Variants in ROBO2 observed in about 807,000 individuals in gnomAD.
ROBO2 encodes the protein roundabout homolog 2.
In ROBO2, 53 loss-of-function variants were observed where a neutral mutation model predicts 160.8. That is an observed-to-expected ratio of 0.33 (90% confidence interval 0.26 to 0.41). ROBO2 has a LOEUF of 0.41. ROBO2 is among the 10% of genes least tolerant of loss of function. The pLI, the probability that ROBO2 is intolerant of heterozygous loss-of-function variation, is 1.00. For synonymous variants in ROBO2, 664 were observed against 611.7 expected (o/e 1.09, Z -1.26); for missense variants, 1,577 against 1,722.4 (o/e 0.92, Z 1.49).
At position 76,227,990 on chromosome 3, in the gene ROBO2, G is replaced by A. The variant is rs561750172; in HGVS notation, c.109+290388G>A. ...ATATACTCTATACAAAAAAAGTAAG[G>A]GTTATATTTGCTATTTTCCTTTAAA... On this transcript the variant is annotated intron_variant, in intron 2 of 26. Transcript: ENST00000487694. Among the ~76,000 whole-genome samples, 49 of 151,984 alleles carry A rather than the reference G, an allele frequency of 3.2e-4. 1 individual carries two copies. Among genetic ancestry groups the A allele is most frequent in the African/African-American group, 1.2e-3 (48 of 41,456 alleles).
intron 2 of ROBO2, among the ~76,000 whole-genome samples, chr3:77,389,553 T>G (rs936872673): frequency 6.6e-6 from 1 of 152,290 alleles, no homozygotes; most frequent in Non-Finnish European, 1.5e-5. Context: ...TTCAAGCCAA[T>G]GTTGTTTAAG....
intron 2 of ROBO2, among the ~76,000 whole-genome samples, chr3:76,555,388 A>AAGAAGAAGG (rs2083677586): frequency 1.4e-5 from 1 of 69,006 alleles, no homozygotes; most frequent in Admixed American, 2.0e-4. Context: ...GAAGAAGAAG[A>AAGAAGAAGG]AGAAGAAGAA....
chr3:77,245,697 A>G (rs1358631489), intron 2 of ROBO2, among the ~76,000 whole-genome samples: 1 of 151,928 alleles, frequency 6.6e-6, no homozygotes, highest in Non-Finnish European at 1.5e-5. Flanking sequence ...TGAGGGAAAA[A>G]CTCTGCCATT....
At chr3:76,303,107 T>C (rs1290800618) in intron 2 of ROBO2, among the ~76,000 whole-genome samples, 3 of 152,026 alleles carry the variant, frequency 2.0e-5, no homozygotes, top group African/African-American at 7.2e-5. Flanking sequence ...CCCAAGAAAA[T>C]ATCTCAGATG....
At chr3:76,951,005 G>A (rs1181154357) in intron 2 of ROBO2, among the ~76,000 whole-genome samples, 1 of 152,206 alleles carries the variant, frequency 6.6e-6, no homozygotes, top group East Asian at 1.9e-4. Context: ...TGGAATTACA[G>A]GCGTGAGCCC....
chr3:77,640,023 A>G (rs1339440710), intron 24 of ROBO2, among the ~76,000 whole-genome samples: 2 of 151,392 alleles, frequency 1.3e-5, no homozygotes, highest in African/African-American at 4.9e-5. Flanking sequence ...AGCAAACCAC[A>G]TTACTCTGAA....
intron 2 of ROBO2, among the ~76,000 whole-genome samples, chr3:76,352,853 AAAATAAC>A (rs1327064014): frequency 6.6e-6 from 1 of 152,070 alleles, no homozygotes; most frequent in African/African-American, 2.4e-5. Flanking sequence ...TGGCTATAAC[AAAATAAC>A]TAACAATTAG....
chr3:76,048,686 A>G (rs897573340), intron 2 of ROBO2, among the ~76,000 whole-genome samples: 3 of 152,184 alleles, frequency 2.0e-5, no homozygotes, highest in African/African-American at 2.4e-5. Context: ...TGATCCATCC[A>G]TTTGACCCCT....
At chr3:77,165,445 G>T (rs978661937) in intron 2 of ROBO2, among the ~76,000 whole-genome samples, 2 of 148,024 alleles carry the variant, frequency 1.4e-5, no homozygotes, top group East Asian at 2.0e-4. Flanking sequence ...AGGGTCCTCT[G>T]CCTAGGAAAA....
chr3:77,011,082 T>TTTCTTTCTTTC (rs2061883307), intron 2 of ROBO2, among the ~76,000 whole-genome samples: 2 of 144,644 alleles, frequency 1.4e-5, no homozygotes, highest in Admixed American at 1.4e-4. Context: ...TCTTTCTTTC[T>TTTCTTTCTTTC]TTCTTTTTCT....
intron 2 of ROBO2, among the ~76,000 whole-genome samples, chr3:76,847,993 GA>G (rs1559596782): frequency 1.3e-5 from 2 of 151,774 alleles, no homozygotes; most frequent in African/African-American, 4.8e-5. Context: ...TGGAATTAAA[GA>G]AAAAAATGTT....
In ROBO2 at chr3:77,412,531, G is replaced by A. The variant is rs4411865; in HGVS notation, c.389-64883G>A. 8.8e-3 allele frequency among the ~76,000 whole-genome samples: 1,333 copies of A among 152,260 alleles called. 15 individuals are homozygous for A. Among genetic ancestry groups the A allele is most frequent in the African/African-American group, 0.03 (1,257 of 41,572 alleles). On this transcript the variant is annotated intron_variant, in intron 2 of 25. Coordinates refer to ENST00000461745, the Ensembl canonical transcript of ROBO2. ...GAGCACTGCTGTCTGTCATGAATTC[G>A]CTTCATCTGCTACTTTTCTGATTTC...
intron 2 of ROBO2, among the ~76,000 whole-genome samples, chr3:76,234,266 A>G (rs1164122746): frequency 1.3e-5 from 2 of 152,204 alleles, no homozygotes; most frequent in South Asian, 2.1e-4. Context: ...TAGTGCAGCA[A>G]TGAACATATG....
chr3:76,155,031 C>T (rs1003273429), intron 2 of ROBO2, among the ~76,000 whole-genome samples: 1 of 152,000 alleles, frequency 6.6e-6, no homozygotes, highest in Non-Finnish European at 1.5e-5. Flanking sequence ...GAAAAACTGG[C>T]AGATAAAGGG....
intron 2 of ROBO2, among the ~76,000 whole-genome samples, chr3:77,158,246 G>C (rs2078184308): frequency 6.6e-6 from 1 of 152,106 alleles, no homozygotes; most frequent in Non-Finnish European, 1.5e-5. Context: ...ATAACCAAAA[G>C]CAGTTAGTAG....
chr3:77,101,055 A>G (rs765928351), intron 2 of ROBO2, among the ~76,000 whole-genome samples: 6 of 152,178 alleles, frequency 3.9e-5, no homozygotes, highest in Admixed American at 6.5e-5. Flanking sequence ...TAAAAATCTA[A>G]GCTATTTTGT....
chr3:76,456,738 G>A (rs564178229), intron 2 of ROBO2, among the ~76,000 whole-genome samples: 5 of 152,264 alleles, frequency 3.3e-5, no homozygotes, highest in South Asian at 4.1e-4. Context: ...TGGTAAAGAC[G>A]TACCCAAGAC....
In ROBO2 at chr3:77,513,180, T is replaced by C. The variant is rs932972527; in HGVS notation, c.807-9595T>C. Among the ~76,000 whole-genome samples, 3 of 151,800 alleles carry C rather than the reference T, an allele frequency of 2.0e-5. No individual in the cohort carries two copies. The East Asian group carries it at 5.8e-4, about 29-fold the overall frequency. ...TCCAGTTGGTAATAAAAATTTTAAT[T>C]TATATTTCTTAATTTTTTCCTCCTC... On this transcript the variant is annotated intron_variant, in intron 5 of 25. Transcript: ENST00000461745.
chr3:77,496,789 T>A (rs927025278), intron 5 of ROBO2, among the ~76,000 whole-genome samples: 1 of 152,136 alleles, frequency 6.6e-6, no homozygotes, highest in African/African-American at 2.4e-5. Context: ...ATTAAAACCT[T>A]CAACACAGAA....
Sources: gnomAD v4.1 joint callset for allele counts (sites outside exome capture counted in the v4.1 genomes callset) on GRCh38, gnomAD v4.1.1 for gene constraint, MANE v1.5 for transcripts, NCBI Gene and HGNC (gene_info 2026-07-23, HGNC 2026-07-21) for gene names.